The following ANKRD55 variants were observed in gnomAD, a reference collection of about 807,000 sequenced individuals.
The protein encoded by ANKRD55 is ankyrin repeat domain-containing protein 55.
Under a neutral mutation model 60.6 loss-of-function variants are expected in ANKRD55, and 41 were observed. The ratio of observed to expected loss-of-function variants is 0.68; its 90% confidence interval spans 0.53 to 0.88. The LOEUF is 0.88. Ranked by LOEUF, ANKRD55 falls within the 40% of genes least tolerant of loss-of-function variation. ANKRD55 has a pLI of 0.00. For synonymous variants in ANKRD55, 264 were observed against 290.3 expected, an observed-to-expected ratio of 0.91 and a Z score of 0.92; for missense variants, 732 against 767.6, an observed-to-expected ratio of 0.95 and a Z score of 0.55.
chr5:56,104,268 A>C (rs1355084962), intron 10 of ANKRD55, among the ~76,000 whole-genome samples: 2 of 152,006 alleles, frequency 1.3e-5, no homozygotes, highest in Non-Finnish European at 2.9e-5. Context: ...TATCATCCTC[A>C]TTTTACAAAT....
intron 2 of ANKRD55, among the ~76,000 whole-genome samples, chr5:56,227,779 A>T (rs1161439037): frequency 6.6e-6 from 1 of 152,120 alleles, no homozygotes; most frequent in Non-Finnish European, 1.5e-5. Context: ...GAATTTCCTC[A>T]TCGATAAAAG....
rs193028410 is a variant in ANKRD55, at chr5:56,157,282, A to G, written c.483+2551T>C. On this transcript the variant is annotated intron_variant, in intron 6 of 11. Coordinates refer to ENST00000341048, the MANE Select transcript of ANKRD55 (RefSeq NM_024669.3). ...CCTAATCTCAAGTACCCAGGGACAC[A>G]AAACACTGTGGAAGGCCACAGGGAC... 1.8e-4 allele frequency among the ~76,000 whole-genome samples: 28 copies of G among 152,360 alleles called. No individual in the cohort carries two copies. The East Asian group carries it at 4.6e-3, about 25-fold the overall frequency.
chr5:56,173,832 C>T (rs1758677909), intron 4 of ANKRD55, among the ~76,000 whole-genome samples: 1 of 152,072 alleles, frequency 6.6e-6, no homozygotes. Flanking sequence ...AGGCGTGAGC[C>T]ACCGTGCCTG....
chr5:56,189,463 A>G (rs1374311922), intron 2 of ANKRD55, among the ~76,000 whole-genome samples: 1 of 152,184 alleles, frequency 6.6e-6, no homozygotes, highest in Non-Finnish European at 1.5e-5. Flanking sequence ...CTCTGTACTC[A>G]TTAAACTGTA....
At chr5:56,138,892 T>C (rs906074494) in intron 7 of ANKRD55, among the ~76,000 whole-genome samples, 2 of 152,200 alleles carry the variant, frequency 1.3e-5, no homozygotes, top group African/African-American at 4.8e-5. Context: ...TTCCGCATGA[T>C]ACTTTAATGA....
chr5:56,218,585 T>TTAA, intron 2 of ANKRD55, among the ~76,000 whole-genome samples: 1 of 152,248 alleles, frequency 6.6e-6, no homozygotes, highest in East Asian at 1.9e-4. Context: ...TGTTGCATAC[T>TTAA]TAATAGATTA....
chr5:56,102,624 C>T, intron 10 of ANKRD55, 38 bp from the exon 11 acceptor site: 2 of 1,432,824 alleles, frequency 1.4e-6, no homozygotes, highest in Non-Finnish European at 2.0e-6. Flanking sequence ...ACTTGAGACT[C>T]AACCAAGTGC....
chr5:56,124,391 C>A (rs1757172837), intron 8 of ANKRD55, among the ~76,000 whole-genome samples: 1 of 152,004 alleles, frequency 6.6e-6, no homozygotes, highest in South Asian at 2.1e-4. Context: ...CAAAAACTTT[C>A]AATAGGAAAA....
In ANKRD55 at chr5:56,150,915, A is replaced by T. The variant is rs745336454; in HGVS notation, c.484-6986T>A. Among the ~76,000 whole-genome samples, 217 of 152,242 alleles carry T rather than the reference A, an allele frequency of 1.4e-3. 1 individual carries two copies. Among genetic ancestry groups the T allele is most frequent in the Non-Finnish European group, 8.2e-4 (56 of 68,040 alleles). On this transcript the variant is annotated intron_variant, in intron 6 of 11. Coordinates refer to ENST00000341048, the MANE Select transcript of ANKRD55 (RefSeq NM_024669.3). ...CTCCGTCTCAATAAATAAATAAATA[A>T]AAGAATGTTTTGATAGCTGTATTTT...
intron 2 of ANKRD55, among the ~76,000 whole-genome samples, chr5:56,184,330 G>A (rs1015784330): frequency 6.6e-6 from 1 of 152,208 alleles, no homozygotes; most frequent in Admixed American, 6.5e-5. Flanking sequence ...TGGGTTCCCT[G>A]ATAAAATGGT....
At chr5:56,136,194 G>C (rs1286604395) in intron 7 of ANKRD55, among the ~76,000 whole-genome samples, 1 of 152,156 alleles carries the variant, frequency 6.6e-6, no homozygotes, top group African/African-American at 2.4e-5. Context: ...TTCAAAATTT[G>C]ATCTATAGAT....
intron 9 of ANKRD55, among the ~76,000 whole-genome samples, chr5:56,113,512 G>A (rs1330400040): frequency 1.3e-5 from 2 of 152,190 alleles, no homozygotes; most frequent in African/African-American, 4.8e-5. Context: ...TTGGGGTAAA[G>A]CAGCTGTGCA....
rs1165687779 is a variant in ANKRD55 at position 56,183,602 on chromosome 5, C to T, written c.91G>A (p.Val31Ile). 1 of 1,614,174 alleles carries T rather than the reference C, an allele frequency of 6.2e-7. No homozygotes were observed. The highest frequency in any genetic ancestry group is 1.3e-5 in the African/African-American group (1 of 75,058). ...TCTCCATTAGAGGCTGCTTGATAAA[C>T]CATGGTCAGGTCAACTTCCTCAGAT... is the stretch of plus-strand genomic sequence containing the variant. Reference protein sequence around the residue: ...DSSEEVDLTMVYQAASNGDVN... With the variant: ...DSSEEVDLTMIYQAASNGDVN... Residue 31 changes from valine to isoleucine, a missense_variant, in exon 3 of 12, where the codon GTT becomes ATT. By Grantham distance (29) the Val-to-Ile change is conservative (BLOSUM62 3). Transcript: ENST00000341048.
At chr5:56,150,898 C>CAATA (rs929555827) in intron 6 of ANKRD55, among the ~76,000 whole-genome samples, 12 of 152,246 alleles carry the variant, frequency 7.9e-5, no homozygotes, top group African/African-American at 2.4e-4. Flanking sequence ...GACTCCGTCT[C>CAATA]AATAAATAAA....
intron 10 of ANKRD55, chr5:56,110,438 A>T (rs545547078): frequency 3.3e-5 from 5 of 152,468 alleles, no homozygotes; most frequent in Non-Finnish European, 7.3e-5. Flanking sequence ...TGATACATTT[A>T]TTTAAAAGGT....
intron 7 of ANKRD55, among the ~76,000 whole-genome samples, chr5:56,138,196 T>C (rs1243472217): frequency 6.6e-6 from 1 of 151,382 alleles, no homozygotes; most frequent in South Asian, 2.1e-4. Flanking sequence ...GGCGCAATCT[T>C]GGCTCACTGC....
At chr5:56,142,478 A>C (rs559012961) in intron 7 of ANKRD55, among the ~76,000 whole-genome samples, 171 of 152,286 alleles carry the variant, frequency 1.1e-3, no homozygotes, top group Non-Finnish European at 1.8e-3. Flanking sequence ...GCAGCTCTAC[A>C]CTGGGGCTGG....
chr5:56,184,545 A>C (rs1561284475), intron 2 of ANKRD55, among the ~76,000 whole-genome samples: 1 of 152,158 alleles, frequency 6.6e-6, no homozygotes, highest in Non-Finnish European at 1.5e-5. Context: ...ACTCCTTTGA[A>C]TTTGGTAGCC....
chr5:56,103,442 C>G (rs1052813874), intron 10 of ANKRD55, among the ~76,000 whole-genome samples: 1 of 152,110 alleles, frequency 6.6e-6, no homozygotes, highest in Non-Finnish European at 1.5e-5. Context: ...TAGAAGGGAA[C>G]ACACAAATGT....
Sources: allele counts gnomAD v4.1 joint callset (sites outside exome capture counted in the v4.1 genomes callset), GRCh38; gene constraint gnomAD v4.1.1; transcripts MANE v1.5; gene names NCBI Gene and HGNC (gene_info 2026-07-23, HGNC 2026-07-21).